HOMER2: variants seen among roughly 807,000 people sequenced by gnomAD.
HOMER2 encodes the protein homer protein homolog 2.
Under a neutral mutation model 47.0 loss-of-function variants are expected in HOMER2, and 27 were observed. The ratio of observed to expected loss-of-function variants is 0.57; its 90% CI spans 0.42 to 0.79. The LOEUF (loss-of-function observed/expected upper bound fraction) is 0.79. HOMER2 is among the 30% of genes least tolerant of loss of function. The pLI is 0.00. For missense variants in HOMER2, 443 were observed against 435.0 expected, an observed-to-expected ratio of 1.02 and a Z score of -0.16; for synonymous variants, 161 against 163.8, an observed-to-expected ratio of 0.98 and a Z score of 0.13.
intron 5 of HOMER2, 140 bp downstream of exon 5, chr15:82,858,889 T>C: frequency 1.0e-6 from 1 of 973,402 alleles, no homozygotes; most frequent in Non-Finnish European, 1.5e-6. Context: ...GGCCTTCCTT[T>C]CACCAGGAGA....
intron 1 of HOMER2, among the ~76,000 whole-genome samples, chr15:82,968,369 A>G (rs771329727): frequency 1.3e-5 from 2 of 152,256 alleles, no homozygotes; most frequent in Non-Finnish European, 2.9e-5. Flanking sequence ...TTCTGTCTGT[A>G]TGGATTTGCC....
chr15:82,934,970 C>A (rs775064460), intron 1 of HOMER2, among the ~76,000 whole-genome samples: 1 of 152,094 alleles, frequency 6.6e-6, no homozygotes, highest in Non-Finnish European at 1.5e-5. Context: ...CAGATGGGAA[C>A]TCTGTCTTCC....
chr15:82,907,768 A>G (rs1402867309), intron 1 of HOMER2, among the ~76,000 whole-genome samples: 1 of 152,234 alleles, frequency 6.6e-6, no homozygotes, highest in African/African-American at 2.4e-5. Context: ...AATAGAAATT[A>G]TATAATATCT....
At chr15:82,937,617 C>T (rs1374271532) in intron 1 of HOMER2, among the ~76,000 whole-genome samples, 1 of 152,040 alleles carries the variant, frequency 6.6e-6, no homozygotes, top group African/African-American at 2.4e-5. Flanking sequence ...AGAGGTCATG[C>T]TGGTGAGAAT....
intron 1 of HOMER2, among the ~76,000 whole-genome samples, chr15:82,936,115 C>A (rs768275808): frequency 2.6e-5 from 4 of 152,214 alleles, no homozygotes; most frequent in Non-Finnish European, 5.9e-5. Context: ...TGACTTCAGT[C>A]TCTCAAACAT....
intron 1 of HOMER2, among the ~76,000 whole-genome samples, chr15:82,907,982 T>G (rs941683739): frequency 1.3e-5 from 2 of 152,172 alleles, no homozygotes; most frequent in Non-Finnish European, 2.9e-5. Context: ...TTGTGCTCAG[T>G]GAAAGAAGGC....
At chr15:82,920,019 C>T (rs1460265987) in intron 1 of HOMER2, among the ~76,000 whole-genome samples, 1 of 152,222 alleles carries the variant, frequency 6.6e-6, no homozygotes, top group East Asian at 1.9e-4. Flanking sequence ...TGTCCATTGT[C>T]TGGAATCTGC....
At chr15:82,880,714 G>A (rs980223131) in intron 2 of HOMER2, among the ~76,000 whole-genome samples, 1 of 152,162 alleles carries the variant, frequency 6.6e-6, no homozygotes, top group African/African-American at 2.4e-5. Flanking sequence ...GTGGGTTCTG[G>A]CGTCAGAGGA....
intron 1 of HOMER2, among the ~76,000 whole-genome samples, chr15:82,924,092 C>A (rs1352312486): frequency 2.0e-5 from 3 of 152,126 alleles, no homozygotes; most frequent in Non-Finnish European, 2.9e-5. Flanking sequence ...TTGTACACTT[C>A]TTTGGGTTTG....
At chr15:82,898,371 A>G (rs185415651) in intron 1 of HOMER2, 40 of 152,350 alleles carry the variant, frequency 2.6e-4, no homozygotes, top group African/African-American at 9.6e-4. Context: ...AAGAGAGTGT[A>G]TCAGAGGACA....
downstream of HOMER2, among the ~76,000 whole-genome samples, chr15:82,848,256 C>T (rs1216190357): frequency 2.0e-5 from 3 of 152,180 alleles, no homozygotes; most frequent in Non-Finnish European, 4.4e-5. Context: ...CTCATTAATC[C>T]AAATTCAGCA....
At chr15:82,899,985 G>A (rs772473996) in intron 1 of HOMER2, among the ~76,000 whole-genome samples, 50 of 152,078 alleles carry the variant, frequency 3.3e-4, no homozygotes, top group Admixed American at 2.6e-4. Context: ...TTATGCAACC[G>A]CACTTCAGCC....
intron 1 of HOMER2, among the ~76,000 whole-genome samples, chr15:82,981,066 G>A (rs936781713): frequency 6.6e-6 from 1 of 152,188 alleles, no homozygotes; most frequent in African/African-American, 2.4e-5. Context: ...AGTAAAGACG[G>A]AGAGTTGAAA....
chr15:82,915,948 T>C (rs1322307425), intron 1 of HOMER2, among the ~76,000 whole-genome samples: 1 of 152,232 alleles, frequency 6.6e-6, no homozygotes, highest in Non-Finnish European at 1.5e-5. Flanking sequence ...AAATATTTGC[T>C]CACATGGAAA....
intron 5 of HOMER2, among the ~76,000 whole-genome samples, chr15:82,855,339 A>AG (rs1018352127): frequency 3.3e-5 from 5 of 150,606 alleles, no homozygotes; most frequent in African/African-American, 9.7e-5. Context: ...AAAAAAAAAA[A>AG]AAAAAAAAAA....
chr15:82,891,525 G>C (rs1031256030), intron 2 of HOMER2, among the ~76,000 whole-genome samples: 6 of 152,178 alleles, frequency 3.9e-5, no homozygotes, highest in African/African-American at 1.4e-4. Context: ...CCTTCCCTGG[G>C]AGAGCTTCCC....
intron 1 of HOMER2, among the ~76,000 whole-genome samples, chr15:82,930,530 C>T (rs1038146423): frequency 6.6e-6 from 1 of 152,218 alleles, no homozygotes; most frequent in Non-Finnish European, 1.5e-5. Context: ...CTTTTCCCTG[C>T]ACAGATTCTC....
At chr15:82,955,749 C>T (rs2054581634), upstream of HOMER2, among the ~76,000 whole-genome samples, 1 of 152,170 alleles carries the variant, frequency 6.6e-6, no homozygotes, top group South Asian at 2.1e-4. Flanking sequence ...TGTTGATCAC[C>T]TGCTGTGTAT....
chr15:82,909,301 C>G (rs141594923), intron 1 of HOMER2, among the ~76,000 whole-genome samples: 23 of 152,118 alleles, frequency 1.5e-4, no homozygotes, highest in African/African-American at 5.3e-4. Context: ...GGAGCAATGG[C>G]GAGAGCACAC....
Sources: allele counts gnomAD v4.1 joint callset (sites outside exome capture counted in the v4.1 genomes callset), GRCh38; gene constraint gnomAD v4.1.1; transcripts MANE v1.5; gene names NCBI Gene and HGNC (gene_info 2026-07-23, HGNC 2026-07-21).